The following SYNPO2 variants were observed in gnomAD, a reference collection of about 807,000 sequenced individuals.
SYNPO2 encodes the protein synaptopodin-2.
Under a neutral mutation model 85.0 loss-of-function variants are expected in SYNPO2, and 56 were observed. The ratio of observed to expected loss-of-function variants is 0.66; its 90% confidence interval spans 0.53 to 0.82. The LOEUF (loss-of-function observed/expected upper bound fraction) is 0.82. Among genes scored for constraint, SYNPO2 ranks in the 40% least tolerant of loss-of-function variants. The pLI is 0.00. For synonymous variants in SYNPO2, 602 were observed against 591.1 expected (o/e 1.02, Z -0.27); for missense variants, 1,575 against 1,534.2 (o/e 1.03, Z -0.44).
At chr4:119,019,234 A>G (rs920645011) in intron 1 of SYNPO2, among the ~76,000 whole-genome samples, 1 of 152,224 alleles carries the variant, frequency 6.6e-6, no homozygotes, top group Non-Finnish European at 1.5e-5. Context: ...AAACCAAAAC[A>G]AAAAGGTGGT....
chr4:118,897,796 C>A (rs1732596876), intron 1 of SYNPO2, among the ~76,000 whole-genome samples: 1 of 152,128 alleles, frequency 6.6e-6, no homozygotes, highest in Admixed American at 6.5e-5. Context: ...GTGTTCTAAG[C>A]TCCTAGACAT....
At chr4:119,014,025 G>A (rs1463559271) in intron 1 of SYNPO2, among the ~76,000 whole-genome samples, 1 of 152,186 alleles carries the variant, frequency 6.6e-6, no homozygotes, top group African/African-American at 2.4e-5. Context: ...ATATAACTGT[G>A]TGAGGCTCAA....
chr4:118,852,813 C>T (rs1016975376), intron 1 of SYNPO2, among the ~76,000 whole-genome samples: 10 of 152,052 alleles, frequency 6.6e-5, no homozygotes, highest in Non-Finnish European at 4.4e-5. Context: ...ACAACAAACC[C>T]CATTACACAA....
chr4:118,998,760 C>A (rs1374387189), intron 1 of SYNPO2, among the ~76,000 whole-genome samples: 1 of 152,216 alleles, frequency 6.6e-6, no homozygotes, highest in Non-Finnish European at 1.5e-5. Flanking sequence ...CAATCTTTCA[C>A]AACTCTGCAA....
chr4:118,949,992 C>T (rs1734643544), intron 1 of SYNPO2, among the ~76,000 whole-genome samples: 1 of 152,126 alleles, frequency 6.6e-6, no homozygotes, highest in Non-Finnish European at 1.5e-5. Context: ...TATGAGGCCA[C>T]TAGGTAGCTT....
rs1739371907 is a variant in SYNPO2, at chr4:119,060,338, G to A, written c.*2404G>A. The A allele has an allele frequency of 6.6e-6, 1 of 151,614 alleles. No homozygotes were observed. 9.4% of individuals were successfully genotyped at this position (151,614 alleles called of 1,614,324 possible). On this transcript the variant is annotated 3_prime_UTR_variant, in exon 5 of 5. Transcript: ENST00000307142. ...GGGAAAGCTGCACATTTCTCACAAG[G>A]AAAAAAACATTCTATATTTGTAGCA...
intron 1 of SYNPO2, among the ~76,000 whole-genome samples, chr4:118,876,677 CTTTCTTTCT>C (rs1731922603): frequency 5.2e-5 from 1 of 19,318 alleles, no homozygotes; most frequent in East Asian, 1.1e-3. Context: ...CTCTTTCTTT[CTTTCTTTCT>C]TTCTTTCTTT....
At chr4:118,984,383 C>T (rs1736141146) in intron 1 of SYNPO2, among the ~76,000 whole-genome samples, 1 of 151,916 alleles carries the variant, frequency 6.6e-6, no homozygotes, top group South Asian at 2.1e-4. Context: ...TAAAAAAATC[C>T]TCTTCAGTTA....
At chr4:118,954,231 C>CA (rs1157578298) in intron 1 of SYNPO2, among the ~76,000 whole-genome samples, 1 of 152,130 alleles carries the variant, frequency 6.6e-6, no homozygotes, top group Middle Eastern at 3.2e-3. Context: ...ATCTTTAAAA[C>CA]AAAAAGTCAC....
intron 1 of SYNPO2, among the ~76,000 whole-genome samples, chr4:118,875,687 G>A (rs562129237): frequency 2.6e-5 from 4 of 152,156 alleles, no homozygotes; most frequent in Admixed American, 6.5e-5. Context: ...GATTAGAAGC[G>A]TTTTCCAAAG....
At chr4:118,985,940 G>A (rs866523175) in intron 1 of SYNPO2, among the ~76,000 whole-genome samples, 1 of 152,148 alleles carries the variant, frequency 6.6e-6, no homozygotes, top group South Asian at 2.1e-4. Flanking sequence ...TTAGCCCTCC[G>A]ATGTGAACAA....
intron 1 of SYNPO2, 83 bp from the exon 2 acceptor site, chr4:119,023,347 G>T: frequency 7.0e-7 from 1 of 1,429,086 alleles, no homozygotes; most frequent in South Asian, 1.4e-5. Context: ...TGTTACTGTT[G>T]ACAGATTTGT....
intron 1 of SYNPO2, among the ~76,000 whole-genome samples, chr4:118,900,393 A>G (rs995729018): frequency 6.6e-6 from 1 of 152,160 alleles, no homozygotes; most frequent in African/African-American, 2.4e-5. Flanking sequence ...CTTAGGTTCC[A>G]CAAGTATTTT....
At chr4:119,054,797 G>GT (rs1271078702) in intron 4 of SYNPO2, among the ~76,000 whole-genome samples, 1 of 152,162 alleles carries the variant, frequency 6.6e-6, no homozygotes, top group African/African-American at 2.4e-5. Flanking sequence ...ACTTTGGGCT[G>GT]TAAGTTTCAG....
At chr4:119,002,330 A>G (rs1255446767) in intron 1 of SYNPO2, among the ~76,000 whole-genome samples, 1 of 151,932 alleles carries the variant, frequency 6.6e-6, no homozygotes, top group African/African-American at 2.4e-5. Context: ...GCGTGATCTC[A>G]GCTCACTGCA....
rs1237601054 is a variant in SYNPO2, at chr4:119,058,973, A to C, written c.*1039A>C. On this transcript the variant is annotated 3_prime_UTR_variant, in exon 5 of 5. Transcript: ENST00000307142. ...TGTGACAGGAATAGATTCTGGGTTCAGGGGTCCCCATCTGTCAAATGAGAA... is the reference window on the plus strand; with the variant it reads ...TGTGACAGGAATAGATTCTGGGTTCCGGGGTCCCCATCTGTCAAATGAGAA... The C allele has an allele frequency of 6.6e-6, 1 of 152,216 alleles. No homozygotes were observed. Among genetic ancestry groups the C allele is most frequent in the African/African-American group, 2.4e-5 (1 of 41,452 alleles). The allele number at this position is 152,216 out of a possible 1,614,324, so 9.4% of individuals were successfully genotyped here.
intron 1 of SYNPO2, among the ~76,000 whole-genome samples, chr4:119,016,417 CAA>C (rs11444354): frequency 3.6e-5 from 5 of 139,766 alleles, no homozygotes; most frequent in Admixed American, 7.1e-5. Flanking sequence ...GACTCCATTT[CAA>C]AAAAAAAAAA....
Position 119,020,051 on chromosome 4 carries a change from C to T in SYNPO2, c.106-3379C>T, listed in dbSNP as rs141151508. Among the ~76,000 whole-genome samples, 456 of 152,178 alleles carry T rather than the reference C, an allele frequency of 3.0e-3. 4 individuals are homozygous for T. Among genetic ancestry groups the T allele is most frequent in the African/African-American group, 0.01 (434 of 41,546 alleles). Reference sequence around the variant, plus strand: ...ATACAATTATAAAAATACGTAATTACGCACAATAGAAGGTAAGGATCTTAG... The same window carrying T: ...ATACAATTATAAAAATACGTAATTATGCACAATAGAAGGTAAGGATCTTAG... On this transcript the variant is annotated intron_variant, in intron 1 of 4. Coordinates refer to ENST00000307142, the MANE Select transcript of SYNPO2 (RefSeq NM_133477.3).
chr4:118,916,495 T>C (rs895307349), intron 1 of SYNPO2, among the ~76,000 whole-genome samples: 15 of 152,078 alleles, frequency 9.9e-5, no homozygotes, highest in Admixed American at 2.6e-4. Context: ...TTATAGTTAA[T>C]GGTTTCAGGT....
Sources: allele counts gnomAD v4.1 joint callset (sites outside exome capture counted in the v4.1 genomes callset), GRCh38; gene constraint gnomAD v4.1.1; transcripts MANE v1.5; gene names NCBI Gene and HGNC (gene_info 2026-07-23, HGNC 2026-07-21).